Variants in CNGB3 observed in about 807,000 individuals in gnomAD.
The protein encoded by CNGB3 is cyclic nucleotide gated channel subunit beta 3.
Under a neutral mutation model 92.8 loss-of-function variants are expected in CNGB3, and 86 were observed. That is an observed-to-expected ratio of 0.93 (90% CI 0.78 to 1.11). CNGB3 has a LOEUF of 1.11. CNGB3 is among the 50% of genes least tolerant of loss of function. The pLI is 0.00. For synonymous variants in CNGB3, 333 were observed against 332.7 expected (o/e 1.00, Z -0.01); for missense variants, 1,026 against 956.8 (o/e 1.07, Z -0.95).
intron 3 of CNGB3, among the ~76,000 whole-genome samples, chr8:86,720,807 C>G (rs1210211935): frequency 7.4e-6 from 1 of 134,642 alleles, no homozygotes; most frequent in Non-Finnish European, 1.6e-5. Flanking sequence ...TATATATATT[C>G]CATGGCATAT....
chr8:86,597,977 CAAATAAATA>C (rs3077236), intron 15 of CNGB3, among the ~76,000 whole-genome samples: 1 of 146,194 alleles, frequency 6.8e-6, no homozygotes, highest in Non-Finnish European at 1.5e-5. Flanking sequence ...GACTTCATCT[CAAATAAATA>C]AAATAAAATA....
At chr8:86,698,232 A>T (rs1470721353) in intron 3 of CNGB3, among the ~76,000 whole-genome samples, 7 of 152,228 alleles carry the variant, frequency 4.6e-5, no homozygotes, top group African/African-American at 1.7e-4. Context: ...TAGTAAATGA[A>T]GATTCTTCTA....
At chr8:86,620,339 A>G (rs1260956881) in intron 13 of CNGB3, among the ~76,000 whole-genome samples, 1 of 152,170 alleles carries the variant, frequency 6.6e-6, no homozygotes, top group Admixed American at 6.5e-5. Context: ...GCTTAAGATC[A>G]AGGCATCAGC....
At chr8:86,661,976 G>A (rs993510165) in intron 6 of CNGB3, 2 of 496,384 alleles carry the variant, frequency 4.0e-6, no homozygotes, top group African/African-American at 2.0e-5. Context: ...CCTGGCCTCC[G>A]TGGTGTCTTG....
rs111555715 is a variant in CNGB3, at chr8:86,739,555, A to C, written c.211+100T>G. 3.0e-3 allele frequency: 4,630 copies of C among 1,544,364 alleles called. 129 individuals carry two copies. The African/African-American group carries it at 0.057, about 19-fold the overall frequency. ...ACCTCAGTATGACCCTAGATAATTC[A>C]CCTAGTCAAGGACAAATATTTCATC... is the stretch of plus-strand genomic sequence containing the variant. On this transcript the variant is annotated intron_variant, in intron 2 of 17. Transcript: ENST00000320005.
chr8:86,689,341 T>G (rs1824253484), intron 3 of CNGB3, among the ~76,000 whole-genome samples: 1 of 151,910 alleles, frequency 6.6e-6, no homozygotes, highest in Non-Finnish European at 1.5e-5. Flanking sequence ...GTTGATTTTC[T>G]GTCTGGAAGA....
chr8:86,743,371 A>G (rs112055920), intron 1 of CNGB3, 128 bp downstream of exon 1: 15,549 of 995,594 alleles, frequency 0.016, 188 homozygotes, highest in Non-Finnish European at 0.017. Flanking sequence ...TAAGCCCGAC[A>G]CAGTACATGT....
rs182993375 is a variant in CNGB3, at chr8:86,627,278, G to A, written c.1481-1198C>T. 4.0e-3 allele frequency among the ~76,000 whole-genome samples: 608 copies of A among 152,142 alleles called. 5 individuals are homozygous for A. Among genetic ancestry groups the A allele is most frequent in the African/African-American group, 0.012 (512 of 41,496 alleles). Reference sequence around the variant, plus strand: ...AAGCCAAGGAGTTGAATCATTATCTGCCTTCGCTAAGGGGTGCGAGGCAAG... The same window carrying A: ...AAGCCAAGGAGTTGAATCATTATCTACCTTCGCTAAGGGGTGCGAGGCAAG... On this transcript the variant is annotated intron_variant, in intron 12 of 17. Transcript: ENST00000320005.
At chr8:86,664,586 T>C (rs2131612907) in intron 6 of CNGB3, among the ~76,000 whole-genome samples, 1 of 152,328 alleles carries the variant, frequency 6.6e-6, no homozygotes, top group South Asian at 2.1e-4. Context: ...CATTTTTCTG[T>C]TTCTTAGATT....
intron 8 of CNGB3, among the ~76,000 whole-genome samples, chr8:86,646,399 A>G (rs1823292869): frequency 6.6e-6 from 1 of 151,164 alleles, no homozygotes; most frequent in Admixed American, 6.6e-5. Context: ...TACCCAGTCA[A>G]TCTGATTATA....
intron 3 of CNGB3, among the ~76,000 whole-genome samples, chr8:86,684,122 TA>T (rs1316130537): frequency 6.6e-6 from 1 of 152,100 alleles, no homozygotes; most frequent in Non-Finnish European, 1.5e-5. Context: ...GTATCTAGGA[TA>T]TAAAGAATTC....
At chr8:86,662,405 A>G (rs1043024968) in intron 6 of CNGB3, among the ~76,000 whole-genome samples, 3 of 152,250 alleles carry the variant, frequency 2.0e-5, no homozygotes, top group Admixed American at 6.5e-5. Context: ...CAAGAAACTT[A>G]TCCTCAGGTA....
intron 5 of CNGB3, 98 bp downstream of exon 5, chr8:86,667,921 T>G (rs2131615872): frequency 2.3e-6 from 3 of 1,296,372 alleles, no homozygotes. Flanking sequence ...ATTGAGAATA[T>G]GAAGTAAGGA....
chr8:86,713,676 T>G (rs562969870), intron 3 of CNGB3, among the ~76,000 whole-genome samples: 171 of 152,336 alleles, frequency 1.1e-3, no homozygotes, highest in African/African-American at 4.0e-3. Flanking sequence ...TCTTACAATA[T>G]TAAAACTATA....
At chr8:86,690,619 A>C (rs962367329) in intron 3 of CNGB3, among the ~76,000 whole-genome samples, 4 of 152,198 alleles carry the variant, frequency 2.6e-5, no homozygotes, top group African/African-American at 7.2e-5. Context: ...TGTCTTAGAC[A>C]TGAAGTCCTT....
rs537475229 is a variant in CNGB3 at position 86,651,160 on chromosome 8, G to C, written c.903+2852C>G. ...ATAATGGACTTTGAAGACCAGAAGGGGGGGTGTGTTTGGGGTGGGACAAAA... is the reference window on the plus strand; with the variant it reads ...ATAATGGACTTTGAAGACCAGAAGGCGGGGTGTGTTTGGGGTGGGACAAAA... On this transcript the variant is annotated intron_variant, in intron 7 of 17. Transcript: ENST00000320005. Among the ~76,000 whole-genome samples the C allele has an allele frequency of 4.0e-5, 6 of 151,546 alleles. No individual in the cohort carries two copies. In the South Asian group the frequency reaches 6.2e-4, roughly 16 times the overall value.
chr8:86,656,630 G>T (rs1484405939), intron 6 of CNGB3, among the ~76,000 whole-genome samples: 1 of 152,078 alleles, frequency 6.6e-6, no homozygotes, highest in Non-Finnish European at 1.5e-5. Context: ...TATGCTAATT[G>T]CACCTAAATC....
chr8:86,736,546 C>T (rs1433322479), intron 2 of CNGB3, among the ~76,000 whole-genome samples: 1 of 152,070 alleles, frequency 6.6e-6, no homozygotes, highest in East Asian at 1.9e-4. Flanking sequence ...GTGCAAAGAA[C>T]TGTAGATTTA....
At chr8:86,653,507 C>A (rs1260007610) in intron 7 of CNGB3, among the ~76,000 whole-genome samples, 1 of 151,970 alleles carries the variant, frequency 6.6e-6, no homozygotes, top group Admixed American at 6.6e-5. Context: ...CTGACCTCTG[C>A]CTATTTCTCA....
Sources: gnomAD v4.1 joint callset for allele counts (sites outside exome capture counted in the v4.1 genomes callset) on GRCh38, gnomAD v4.1.1 for gene constraint, MANE v1.5 for transcripts, NCBI Gene and HGNC (gene_info 2026-07-23, HGNC 2026-07-21) for gene names.